The following ASTN2 variants were observed in gnomAD, a reference collection of about 807,000 sequenced individuals.
ASTN2 encodes astrotactin-2.
ASTN2 carries 54 observed loss-of-function variants against 139.8 expected under a neutral mutation model. The observed-to-expected ratio is 0.39, with a 90% confidence interval of 0.31 to 0.48. The LOEUF (loss-of-function observed/expected upper bound fraction) is 0.48. Among genes scored for constraint, ASTN2 ranks in the 20% least tolerant of loss-of-function variants. The probability of loss-of-function intolerance (pLI) is 0.95; values close to 1 mark genes in which losing one functional copy is unlikely to be tolerated. For missense variants in ASTN2, 1,565 were observed against 1,725.1 expected, an observed-to-expected ratio of 0.91 and a Z score of 1.64; for synonymous variants, 756 against 719.5, an observed-to-expected ratio of 1.05 and a Z score of -0.81.
At chr9:117,030,803 C>T in intron 6 of ASTN2, among the ~76,000 whole-genome samples, 1 of 151,652 alleles carries the variant, frequency 6.6e-6, no homozygotes, top group Admixed American at 6.6e-5. Flanking sequence ...CCACAGCTCC[C>T]AGCCATTGCC....
intron 16 of ASTN2, among the ~76,000 whole-genome samples, chr9:116,690,607 C>G (rs572039781): frequency 1.3e-5 from 2 of 152,286 alleles, no homozygotes; most frequent in African/African-American, 4.8e-5. Context: ...GGTGCCCTTA[C>G]CAACCTCTCA....
At chr9:116,831,830 T>C (rs1007924842) in intron 11 of ASTN2, among the ~76,000 whole-genome samples, 5 of 152,220 alleles carry the variant, frequency 3.3e-5, no homozygotes, top group East Asian at 1.9e-4. Context: ...ATAGGAATTA[T>C]ATTAAACCTT....
chr9:117,127,672 G>GTTTTTTTTTTTTTTTTTTTTTTTT (rs11427891), intron 4 of ASTN2, among the ~76,000 whole-genome samples: 2 of 70,890 alleles, frequency 2.8e-5, no homozygotes, highest in Non-Finnish European at 5.0e-5. Context: ...TTTTGTTTTG[G>GTTTTTTTTTTTTTTTTTTTTTTTT]TTTTTTTTTT....
At chr9:117,043,113 CA>C (rs1201205077) in intron 5 of ASTN2, among the ~76,000 whole-genome samples, 4 of 152,126 alleles carry the variant, frequency 2.6e-5, no homozygotes, top group Non-Finnish European at 4.4e-5. Context: ...TCAGGTGATC[CA>C]CCGACCTCAG....
At chr9:117,249,456 A>T (rs759753254) in intron 2 of ASTN2, among the ~76,000 whole-genome samples, 1 of 152,178 alleles carries the variant, frequency 6.6e-6, no homozygotes, top group South Asian at 2.1e-4. Flanking sequence ...ACCATTTAAG[A>T]TCATTTTGCC....
At chr9:116,781,062 A>G (rs1192591773) in intron 13 of ASTN2, among the ~76,000 whole-genome samples, 1 of 151,860 alleles carries the variant, frequency 6.6e-6, no homozygotes, top group Non-Finnish European at 1.5e-5. Flanking sequence ...CTGGTCTCGA[A>G]CTCCTGACCT....
At chr9:116,679,562 G>T (rs924654235) in intron 16 of ASTN2, among the ~76,000 whole-genome samples, 1 of 152,032 alleles carries the variant, frequency 6.6e-6, no homozygotes, top group Admixed American at 6.6e-5. Context: ...CTTGTCAATT[G>T]TGTCTTCAAG....
chr9:117,120,018 G>GTGTGTGTA (rs1306397698), intron 4 of ASTN2, among the ~76,000 whole-genome samples: 26 of 45,974 alleles, frequency 5.7e-4, no homozygotes, highest in East Asian at 1.2e-3. Context: ...GTGTGTGTGT[G>GTGTGTGTA]TATATATATA....
chr9:116,514,786 C>T (rs1048422782), intron 19 of ASTN2, among the ~76,000 whole-genome samples: 12 of 152,156 alleles, frequency 7.9e-5, no homozygotes, highest in East Asian at 1.9e-4. Flanking sequence ...GGCATGGGAC[C>T]CTCTGATCCT....
At chr9:116,490,303 A>AAAAAAAAAG (rs1564314423) in intron 19 of ASTN2, among the ~76,000 whole-genome samples, 5 of 104,574 alleles carry the variant, frequency 4.8e-5, no homozygotes, top group Non-Finnish European at 4.0e-5. Flanking sequence ...AAAAAAAAAA[A>AAAAAAAAAG]GGGGGCATTG....
In ASTN2 at chr9:117,039,849, G is replaced by T; in HGVS notation, c.1393C>A (p.Leu465Met). 3 of 1,613,714 alleles carry T rather than the reference G, an allele frequency of 1.9e-6. No homozygotes were observed. Among genetic ancestry groups the T allele is most frequent in the Non-Finnish European group, 1.7e-6 (2 of 1,179,836 alleles). ...GCTATGAAGTGCTCGGGCACATGCA[G>T]AGTCACCTTCACAGTGAGTGGACAA... is the stretch of plus-strand genomic sequence containing the variant. ...MSCPLTVKVT[L>M]HVPEHFIADG... The change falls in exon 6 of 23, where the codon CTG becomes ATG. Residue 465 changes from leucine (L) to methionine (M), a missense_variant. Leu to Met is a conservative substitution (Grantham distance 15). Around this residue, in one of 4 missense-constraint regions of ASTN2, gnomAD observed 503 missense variants for 591.7 expected, o/e 0.85. Coordinates refer to ENST00000313400, the MANE Select transcript of ASTN2 (RefSeq NM_001365068.1).
At chr9:116,811,779 T>C (rs1174394946) in intron 12 of ASTN2, among the ~76,000 whole-genome samples, 5 of 152,350 alleles carry the variant, frequency 3.3e-5, no homozygotes, top group African/African-American at 7.2e-5. Flanking sequence ...ATTATTGTTA[T>C]TGTTGTTGTT....
At chr9:116,771,165 T>C (rs1363584915) in intron 13 of ASTN2, among the ~76,000 whole-genome samples, 3 of 152,174 alleles carry the variant, frequency 2.0e-5, no homozygotes, top group Non-Finnish European at 2.9e-5. Flanking sequence ...TCTGGCTACA[T>C]CAGGTACTCC....
rs1363830868 is a variant in ASTN2 at position 116,484,650 on chromosome 9, T to G, written c.3497+2709A>C. 3.9e-5 allele frequency among the ~76,000 whole-genome samples: 6 copies of G among 152,044 alleles called. No homozygotes were observed. In the South Asian group the frequency reaches 1.2e-3, roughly 32 times the overall value. Reference sequence around the variant, plus strand: ...TGGTTCCTGGTCAGAGCGGCCCGGATCCCAGGGCCATTAACATCATCCATT... The same window carrying G: ...TGGTTCCTGGTCAGAGCGGCCCGGAGCCCAGGGCCATTAACATCATCCATT... On this transcript the variant is annotated intron_variant, in intron 20 of 22. Transcript: ENST00000313400.
At chr9:116,543,231 C>T (rs1204588540) in intron 19 of ASTN2, among the ~76,000 whole-genome samples, 1 of 150,716 alleles carries the variant, frequency 6.6e-6, no homozygotes, top group African/African-American at 2.4e-5. Flanking sequence ...GAGTTTGAGA[C>T]CAGCCTGGGC....
intron 2 of ASTN2, among the ~76,000 whole-genome samples, chr9:117,215,476 T>TATATATAATAC (rs1832285989): frequency 6.7e-6 from 1 of 148,482 alleles, no homozygotes. Flanking sequence ...CTGATATATA[T>TATATATAATAC]ATATATAATG....
chr9:117,206,932 T>C (rs994391994), intron 3 of ASTN2, among the ~76,000 whole-genome samples: 4 of 152,142 alleles, frequency 2.6e-5, no homozygotes, highest in Non-Finnish European at 5.9e-5. Context: ...GCCTGCCTAA[T>C]AGTTCTACGC....
intron 3 of ASTN2, among the ~76,000 whole-genome samples, chr9:117,155,761 T>G (rs1443541182): frequency 6.6e-6 from 1 of 152,066 alleles, no homozygotes; most frequent in African/African-American, 2.4e-5. Context: ...AGCAGACTTT[T>G]TTGCAGTCCA....
intron 16 of ASTN2, among the ~76,000 whole-genome samples, chr9:116,673,682 A>T (rs1859331488): frequency 6.6e-6 from 1 of 152,196 alleles, no homozygotes; most frequent in South Asian, 2.1e-4. Context: ...AGGCAAAAAA[A>T]TGCCTGGGGC....
Sources: gnomAD v4.1 joint callset for allele counts (sites outside exome capture counted in the v4.1 genomes callset) on GRCh38, gnomAD v4.1.1 for gene constraint, gnomAD v4.1.1 regional missense constraint, MANE v1.5 for transcripts, NCBI Gene and HGNC (gene_info 2026-07-23, HGNC 2026-07-21) for gene names.